EYA3: variants seen among roughly 807,000 people sequenced by gnomAD.
The protein encoded by EYA3 is protein phosphatase EYA3.
EYA3 carries 39 observed loss-of-function variants against 80.0 expected under a neutral mutation model. The ratio of observed to expected loss-of-function variants is 0.49; its 90% CI spans 0.38 to 0.64. The LOEUF is 0.64. Ranked by LOEUF, EYA3 falls within the 30% of genes least tolerant of loss-of-function variation. The pLI is 0.00. For synonymous variants in EYA3, 206 were observed against 232.8 expected (o/e 0.88, Z 1.05); for missense variants, 523 against 676.1 (o/e 0.77, Z 2.51).
intron 9 of EYA3, among the ~76,000 whole-genome samples, chr1:28,012,442 T>C (rs1379551515): frequency 6.6e-6 from 1 of 152,240 alleles, no homozygotes; most frequent in African/African-American, 2.4e-5. Context: ...TATATAGTAC[T>C]GTTTCTAAAC....
chr1:28,032,097 G>A (rs745711885), intron 6 of EYA3: 5 of 152,194 alleles, frequency 3.3e-5, no homozygotes, highest in Admixed American at 6.5e-5. Flanking sequence ...GCGCACTACA[G>A]CCCAGGACTC....
intron 8 of EYA3, among the ~76,000 whole-genome samples, chr1:28,015,965 G>C (rs2148801215): frequency 6.6e-6 from 1 of 152,274 alleles, no homozygotes; most frequent in East Asian, 1.9e-4. Context: ...GTTGAACTTA[G>C]GGAAACAGCA....
chr1:28,073,613 T>A (rs530823992), intron 1 of EYA3, among the ~76,000 whole-genome samples: 117 of 152,148 alleles, frequency 7.7e-4, no homozygotes, highest in African/African-American at 2.7e-3. Context: ...TTTTTGTATT[T>A]TTAGTAGAAA....
At chr1:28,064,180 G>A (rs917702230) in intron 1 of EYA3, among the ~76,000 whole-genome samples, 2 of 151,924 alleles carry the variant, frequency 1.3e-5, no homozygotes, top group South Asian at 2.1e-4. Context: ...CATTTTTCAC[G>A]TTTTAGACAA....
In EYA3 at chr1:28,087,731, ACTT is replaced by A. The variant is rs375163580; in HGVS notation, c.-69+790_-69+792del. Among the ~76,000 whole-genome samples, 26 of 152,320 alleles carry A rather than the reference ACTT, an allele frequency of 1.7e-4. 1 individual carries two copies. The highest frequency in any genetic ancestry group is 3.2e-4 in the Non-Finnish European group (22 of 68,034). On this transcript the variant is annotated intron_variant, in intron 1 of 17. Coordinates refer to ENST00000373871, the MANE Select transcript of EYA3 (RefSeq NM_001990.4). ...CTCATGGGAACACAAAACTGACAGA[ACTT>A]CTTCATGACTTGTCAATTAACAAGA... is the stretch of plus-strand genomic sequence containing the variant.
chr1:27,975,738 C>T (rs1638902101), intron 17 of EYA3, among the ~76,000 whole-genome samples: 1 of 152,148 alleles, frequency 6.6e-6, no homozygotes, highest in South Asian at 2.1e-4. Context: ...CCCGTCTTGG[C>T]CTCCCAAAGT....
intron 13 of EYA3, among the ~76,000 whole-genome samples, chr1:27,996,141 G>A (rs1003253855): frequency 2.6e-5 from 4 of 152,198 alleles, no homozygotes; most frequent in Admixed American, 6.5e-5. Flanking sequence ...CTGAAGTGCT[G>A]GGATTACAGG....
rs1262579941 is a variant in EYA3 at position 27,971,800 on chromosome 1, G to C, written c.*2666C>G. ...TTTTCCTTTCCAGATTTTTGTGTTG[G>C]GGTGGAGAAAAAGGCAGGGTAATTA... On this transcript the variant is annotated 3_prime_UTR_variant, in exon 18 of 18. Transcript: ENST00000373871. 2.6e-5 allele frequency: 4 copies of C among 151,930 alleles called. No individual in the cohort carries two copies. The highest frequency in any genetic ancestry group is 9.7e-5 in the African/African-American group (4 of 41,334). 9.4% of individuals were successfully genotyped at this position (151,930 alleles called of 1,614,324 possible).
intron 17 of EYA3, 42 bp downstream of exon 17, chr1:27,978,332 C>A: frequency 7.1e-7 from 1 of 1,416,846 alleles, no homozygotes; most frequent in South Asian, 1.2e-5. Context: ...TCTCATTACT[C>A]GATGTACAAC....
chr1:28,050,120 GA>G (rs1336882854), intron 2 of EYA3, among the ~76,000 whole-genome samples: 1 of 149,416 alleles, frequency 6.7e-6, no homozygotes, highest in South Asian at 2.1e-4. Flanking sequence ...AACTCCAAAA[GA>G]AAAAAGGATT....
At chr1:28,046,071 T>C (rs910565200) in intron 3 of EYA3, among the ~76,000 whole-genome samples, 3 of 152,076 alleles carry the variant, frequency 2.0e-5, no homozygotes, top group African/African-American at 7.2e-5. Flanking sequence ...AGACAGAAAG[T>C]AGAATGGTGG....
intron 1 of EYA3, among the ~76,000 whole-genome samples, chr1:28,073,874 C>T (rs1290796289): frequency 6.6e-6 from 1 of 152,162 alleles, no homozygotes; most frequent in African/African-American, 2.4e-5. Context: ...GACAAAATCA[C>T]ATATGAAACT....
chr1:27,974,541 G>C lies in EYA3; in HGVS notation c.1647C>G (p.Asn549Lys), dbSNP rs774517474. 6.2e-7 allele frequency: 1 copy of C among 1,612,368 alleles called. No individual in the cohort carries two copies. Among genetic ancestry groups the C allele is most frequent in the Non-Finnish European group, 8.5e-7 (1 of 1,178,588 alleles). ...GGTTTGTGATCCTCCAGAAAGGCAT[G>C]TTGTGCTGGAAGAGAGTGGGAATAG... ...RDEEIAAKQHNMPFWRITNHG... is the reference protein window; with the variant it reads ...RDEEIAAKQHKMPFWRITNHG... The change falls in exon 18 of 18, where the codon AAC becomes AAG. Residue 549 changes from asparagine (N) to lysine (K), a missense_variant. Asn to Lys is a moderately conservative substitution (Grantham distance 94). This residue lies in a region of EYA3 where 219 missense variants were observed against 332.8 expected (regional missense o/e 0.66). Transcript: ENST00000373871.
intron 3 of EYA3, among the ~76,000 whole-genome samples, chr1:28,047,617 G>A (rs930409985): frequency 4.6e-5 from 7 of 151,058 alleles, no homozygotes; most frequent in South Asian, 4.2e-4. Context: ...ACTGTGAGGT[G>A]CAAACAAGCT....
Position 28,050,202 on chromosome 1 carries a change from A to ATTT in EYA3, c.34-1779_34-1777dup, listed in dbSNP as rs377733875. ...TATTATTATTATTATTATTATTATT[A>ATTT]TTTTTTTTGAGACAGGGTCTTGTTC... On this transcript the variant is annotated intron_variant, in intron 2 of 17. Coordinates refer to ENST00000373871, the MANE Select transcript of EYA3 (RefSeq NM_001990.4). 3.6e-3 allele frequency among the ~76,000 whole-genome samples: 510 copies of ATTT among 142,566 alleles called. 18 individuals carry two copies. Among genetic ancestry groups the ATTT allele is most frequent in the African/African-American group, 0.012 (447 of 38,084 alleles). 93.5% of individuals were successfully genotyped at this position (142,566 alleles called of 152,430 possible).
In EYA3 at chr1:28,013,497, C is replaced by G. The variant is rs997713233; in HGVS notation, c.586-203G>C. 7.2e-5 allele frequency among the ~76,000 whole-genome samples: 11 copies of G among 151,988 alleles called. No homozygotes were observed. Among genetic ancestry groups the G allele is most frequent in the African/African-American group, 2.4e-4 (10 of 41,352 alleles). The stretch of plus-strand genomic sequence containing the variant: ...GTGGAAACCTAAGTCAAGAGATGTC[C>G]CAGGAGCAGTCTTGGAATGAGGAAA... On this transcript the variant is annotated intron_variant, in intron 8 of 17. Coordinates refer to ENST00000373871, the MANE Select transcript of EYA3 (RefSeq NM_001990.4). The surrounding 1 kb of genome is among the most constrained non-coding windows in gnomAD (Gnocchi z 4.0).
chr1:28,033,659 TATTA>T (rs1473788999), intron 6 of EYA3, among the ~76,000 whole-genome samples: 15 of 143,194 alleles, frequency 1.0e-4, no homozygotes, highest in South Asian at 2.2e-4. Context: ...TTATTATTAT[TATTA>T]TTATTATTTT....
intron 1 of EYA3, among the ~76,000 whole-genome samples, chr1:28,083,019 C>T (rs1166531062): frequency 6.6e-6 from 1 of 152,234 alleles, no homozygotes; most frequent in East Asian, 1.9e-4. Flanking sequence ...AAGCAGTATT[C>T]TTTTGTGTTT....
intron 14 of EYA3, among the ~76,000 whole-genome samples, chr1:27,991,201 C>T (rs562021170): frequency 2.6e-5 from 4 of 152,106 alleles, no homozygotes; most frequent in East Asian, 1.9e-4. Context: ...TGTAAAGAAA[C>T]GAAACCCAAT....
Sources: allele counts gnomAD v4.1 joint callset (sites outside exome capture counted in the v4.1 genomes callset), GRCh38; gene constraint gnomAD v4.1.1; regional missense constraint gnomAD v4.1.1; non-coding constraint Gnocchi (gnomAD v3.1); transcripts MANE v1.5; gene names NCBI Gene and HGNC (gene_info 2026-07-23, HGNC 2026-07-21).